Variants in PTPRT observed in about 807,000 individuals in gnomAD.
PTPRT encodes receptor-type tyrosine-protein phosphatase T.
In PTPRT, 56 loss-of-function variants were observed where a neutral mutation model predicts 176.8. The observed-to-expected ratio is 0.32, with a 90% CI of 0.26 to 0.40. The LOEUF (loss-of-function observed/expected upper bound fraction) is 0.40. Ranked by LOEUF, PTPRT falls within the 10% of genes least tolerant of loss-of-function variation. PTPRT has a pLI of 1.00. For synonymous variants in PTPRT, 783 were observed against 739.0 expected, an observed-to-expected ratio of 1.06 and a Z score of -0.96; for missense variants, 1,540 against 1,908.2, an observed-to-expected ratio of 0.81 and a Z score of 3.60.
At chr20:42,906,722 C>T (rs1381520274) in intron 1 of PTPRT, among the ~76,000 whole-genome samples, 1 of 152,202 alleles carries the variant, frequency 6.6e-6, no homozygotes. Flanking sequence ...GCCACACCCC[C>T]ATCACACACC....
chr20:42,316,130 G>T, intron 11 of PTPRT, 134 bp from the exon 12 acceptor site: 1 of 1,014,160 alleles, frequency 9.9e-7, no homozygotes, highest in Non-Finnish European at 1.4e-6. Flanking sequence ...CCAGTCCTGA[G>T]CATCAGATTT....
chr20:42,500,900 A>G (rs1201296714), intron 7 of PTPRT, among the ~76,000 whole-genome samples: 1 of 151,962 alleles, frequency 6.6e-6, no homozygotes, highest in Admixed American at 6.6e-5. Context: ...ATGTCAGACA[A>G]CCCTCATAGT....
intron 2 of PTPRT, among the ~76,000 whole-genome samples, chr20:42,826,871 C>T (rs1266181437): frequency 3.9e-5 from 6 of 152,056 alleles, no homozygotes; most frequent in Non-Finnish European, 8.8e-5. Context: ...GAAAATCTAC[C>T]AAGCAAATAG....
Position 42,248,714 on chromosome 20 carries a change from A to T in PTPRT, c.2285T>A (p.Leu762Gln). Residue 762 changes from leucine to glutamine, a missense_variant, in exon 14 of 31, where the codon CTG (leucine) becomes CAG (glutamine). Physicochemically the swap from Leu to Gln is moderately radical, Grantham distance 113 (BLOSUM62 -2). This residue lies in a region of PTPRT where 255 missense variants were observed against 250.1 expected (regional missense o/e 1.02). Transcript: ENST00000373187. ...CCTTTTGATGGTGAGCATCACGCCC[A>T]GGAGAATGATGATGAACATGAGGAG... The part of the protein sequence containing the change: ...AGLLMFIIIL[L>Q]GVMLTIKRRR... The T allele has an allele frequency of 6.2e-7, 1 of 1,614,032 alleles. No individual in the cohort carries two copies. The highest frequency in any genetic ancestry group is 8.5e-7 in the Non-Finnish European group (1 of 1,179,944).
chr20:42,412,113 G>T (rs1212715960), intron 9 of PTPRT, among the ~76,000 whole-genome samples: 1 of 152,132 alleles, frequency 6.6e-6, no homozygotes, highest in Admixed American at 6.5e-5. Context: ...CTGTCAAAAA[G>T]ATAAAAAGAG....
At chr20:42,756,336 A>G in intron 6 of PTPRT, 126 bp downstream of exon 6, 1 of 1,037,866 alleles carries the variant, frequency 9.6e-7, no homozygotes, top group Non-Finnish European at 1.3e-6. Context: ...GGGAGGCCAG[A>G]GTGACTAGAA....
At chr20:42,883,891 C>A (rs1478965199) in intron 2 of PTPRT, among the ~76,000 whole-genome samples, 1 of 147,050 alleles carries the variant, frequency 6.8e-6, no homozygotes, top group African/African-American at 2.5e-5. Flanking sequence ...CACCAATACA[C>A]CCCCATACAC....
At chr20:42,677,389 C>A (rs1261573098) in intron 7 of PTPRT, among the ~76,000 whole-genome samples, 2 of 151,804 alleles carry the variant, frequency 1.3e-5, no homozygotes, top group Non-Finnish European at 2.9e-5. Flanking sequence ...GAGCCAGGAG[C>A]CCTCAGAGAC....
At chr20:42,791,679 G>A (rs1331455959) in intron 2 of PTPRT, among the ~76,000 whole-genome samples, 1 of 152,158 alleles carries the variant, frequency 6.6e-6, no homozygotes, top group Non-Finnish European at 1.5e-5. Flanking sequence ...TCAATAAGGT[G>A]GTTTTAAGAA....
chr20:42,953,476 G>A (rs1981390579), intron 1 of PTPRT, among the ~76,000 whole-genome samples: 1 of 152,180 alleles, frequency 6.6e-6, no homozygotes, highest in African/African-American at 2.4e-5. Flanking sequence ...TAAAAGTATA[G>A]GTGAGTCTGT....
chr20:43,075,245 C>A (rs1455983111), intron 1 of PTPRT, among the ~76,000 whole-genome samples: 1 of 152,264 alleles, frequency 6.6e-6, no homozygotes, highest in Non-Finnish European at 1.5e-5. Context: ...TGAAAGAACA[C>A]ACTGAGTTTA....
intron 1 of PTPRT, among the ~76,000 whole-genome samples, chr20:43,099,358 T>C (rs923915163): frequency 5.9e-5 from 9 of 152,116 alleles, no homozygotes; most frequent in Non-Finnish European, 1.3e-4. Flanking sequence ...CAAAGAAGCA[T>C]GGACCAGAGT....
intron 7 of PTPRT, among the ~76,000 whole-genome samples, chr20:42,635,760 T>C (rs2867490): frequency 0.4 from 60,142 of 151,880 alleles, 14,366 homozygotes; most frequent in African/African-American, 0.67. Context: ...CAAGTAAAAA[T>C]CCAACTTTCA....
intron 6 of PTPRT, among the ~76,000 whole-genome samples, chr20:42,743,548 C>T (rs754233103): frequency 9.2e-5 from 14 of 152,186 alleles, no homozygotes; most frequent in Non-Finnish European, 1.6e-4. Flanking sequence ...AAGCGTGAAG[C>T]CTGGCCTTAG....
chr20:42,098,382 C>T (rs1985505775), intron 27 of PTPRT, 39 bp downstream of exon 27: 4 of 1,610,882 alleles, frequency 2.5e-6, no homozygotes, highest in East Asian at 2.2e-5. Flanking sequence ...GAGCATGGCC[C>T]CCCTGACCCA....
chr20:42,668,163 T>C (rs1012585153), intron 7 of PTPRT, among the ~76,000 whole-genome samples: 2 of 152,170 alleles, frequency 1.3e-5, no homozygotes, highest in Non-Finnish European at 2.9e-5. Context: ...GTTAAACAAT[T>C]GATTTTTTCC....
At chr20:42,963,836 CG>C (rs1033674723) in intron 1 of PTPRT, among the ~76,000 whole-genome samples, 1 of 152,142 alleles carries the variant, frequency 6.6e-6, no homozygotes, top group African/African-American at 2.4e-5. Flanking sequence ...GGCAGCTAAA[CG>C]TATCCAAGAG....
At chr20:43,128,601 G>A (rs1206239662) in intron 1 of PTPRT, among the ~76,000 whole-genome samples, 1 of 152,230 alleles carries the variant, frequency 6.6e-6, no homozygotes, top group African/African-American at 2.4e-5. Flanking sequence ...CCAGCAATGA[G>A]AAGAGGTTTC....
chr20:43,062,106 C>T (rs1987486423), intron 1 of PTPRT, among the ~76,000 whole-genome samples: 1 of 152,106 alleles, frequency 6.6e-6, no homozygotes, highest in Non-Finnish European at 1.5e-5. Flanking sequence ...GGAAGGACTG[C>T]AAAGAGGAAG....
Sources: allele counts gnomAD v4.1 joint callset (sites outside exome capture counted in the v4.1 genomes callset), GRCh38; gene constraint gnomAD v4.1.1; regional missense constraint gnomAD v4.1.1; transcripts MANE v1.5; gene names NCBI Gene and HGNC (gene_info 2026-07-23, HGNC 2026-07-21).